TMEM132D: variants seen among roughly 807,000 people sequenced by gnomAD.
TMEM132D encodes mature OL transmembrane protein.
A neutral mutation model predicts 62.3 loss-of-function variants in TMEM132D; 21 were observed. The ratio of observed to expected loss-of-function variants is 0.34; its 90% CI spans 0.24 to 0.49. The LOEUF (loss-of-function observed/expected upper bound fraction) is 0.49, where lower values mean the gene tolerates loss of function less well. Ranked by LOEUF, TMEM132D falls within the 20% of genes least tolerant of loss-of-function variation. The pLI is 0.99. For synonymous variants in TMEM132D, 621 were observed against 575.6 expected (o/e 1.08, Z -1.13); for missense variants, 1,346 against 1,402.8 (o/e 0.96, Z 0.65).
At chr12:129,209,837 G>T in intron 4 of TMEM132D, 174 bp from the exon 5 acceptor site, 2 of 820,078 alleles carry the variant, frequency 2.4e-6, no homozygotes, top group South Asian at 1.8e-5. Context: ...ATGAGATAAT[G>T]TTCTGTCCTC....
intron 4 of TMEM132D, among the ~76,000 whole-genome samples, chr12:129,221,842 A>G (rs927632730): frequency 1.3e-5 from 2 of 152,188 alleles, no homozygotes; most frequent in African/African-American, 2.4e-5. Flanking sequence ...CGCTGCGACA[A>G]TGATGGGCTG....
chr12:129,744,974 G>A (rs564085089), intron 1 of TMEM132D, among the ~76,000 whole-genome samples: 46 of 152,046 alleles, frequency 3.0e-4, no homozygotes, highest in Non-Finnish European at 6.5e-4. Context: ...TGCTGTTCTC[G>A]TGATAGTGAG....
At position 129,231,169 on chromosome 12, in the gene TMEM132D, A is replaced by G. The variant is rs2306516; in HGVS notation, c.1300-21506T>C. ...GCTGTTCAACACAAAGCCTAGGGCT[A>G]AGTTCAGGCAGCCTCATGCAAGCGC... On this transcript the variant is annotated intron_variant, in intron 4 of 8. Coordinates refer to ENST00000422113, the MANE Select transcript of TMEM132D (RefSeq NM_133448.3). Among the ~76,000 whole-genome samples, 1,749 of 152,362 alleles carry G rather than the reference A, an allele frequency of 0.011. 82 individuals carry two copies. In the East Asian group the frequency reaches 0.13, roughly 12 times the overall value.
intron 4 of TMEM132D, among the ~76,000 whole-genome samples, chr12:129,232,758 A>T (rs949176828): frequency 3.0e-4 from 45 of 152,176 alleles, no homozygotes; most frequent in African/African-American, 1.1e-3. Flanking sequence ...GGGAGGCCTC[A>T]GGAAACAATC....
intron 2 of TMEM132D, among the ~76,000 whole-genome samples, chr12:129,616,813 C>T (rs562960637): frequency 2.6e-5 from 4 of 152,130 alleles, no homozygotes; most frequent in Admixed American, 2.6e-4. Flanking sequence ...TCATTAGCAG[C>T]GTGAGAATGG....
intron 1 of TMEM132D, among the ~76,000 whole-genome samples, chr12:129,865,188 C>T (rs900445791): frequency 1.6e-4 from 24 of 152,174 alleles, no homozygotes; most frequent in African/African-American, 5.1e-4. Context: ...TGGTGACAGT[C>T]TGCTGGCACT....
At chr12:129,563,606 G>T (rs553997200) in intron 2 of TMEM132D, among the ~76,000 whole-genome samples, 2 of 152,234 alleles carry the variant, frequency 1.3e-5, no homozygotes, top group African/African-American at 2.4e-5. Context: ...AGTGCATAAA[G>T]GCTCCCTCCA....
At chr12:129,339,371 AC>A (rs1259558133) in intron 3 of TMEM132D, among the ~76,000 whole-genome samples, 6 of 17,708 alleles carry the variant, frequency 3.4e-4, no homozygotes, top group Non-Finnish European at 8.9e-4. Context: ...GATGAGAAGA[AC>A]TGCCAAAAGA....
At chr12:129,233,810 A>T (rs2135580120) in intron 4 of TMEM132D, among the ~76,000 whole-genome samples, 1 of 151,942 alleles carries the variant, frequency 6.6e-6, no homozygotes, top group South Asian at 2.1e-4. Flanking sequence ...CCTATAGATG[A>T]TATTATTATT....
chr12:129,404,293 G>A lies in TMEM132D; in HGVS notation c.1116-66476C>T, dbSNP rs557384495. 2.0e-5 allele frequency among the ~76,000 whole-genome samples: 3 copies of A among 152,170 alleles called. No individual in the cohort carries two copies. The South Asian group carries it at 6.2e-4, about 32-fold the overall frequency. On this transcript the variant is annotated intron_variant, in intron 3 of 8. Coordinates refer to ENST00000422113, the MANE Select transcript of TMEM132D (RefSeq NM_133448.3). ...GGCTCACTGCAACCTCCACCTCCCG[G>A]GTTCAAGTGATTCTCCTGCCTCAGC...
chr12:129,230,315 G>C (rs182964034), intron 4 of TMEM132D, among the ~76,000 whole-genome samples: 4 of 150,566 alleles, frequency 2.7e-5, no homozygotes, highest in East Asian at 2.0e-4. Flanking sequence ...GGAGGGGGGG[G>C]GCTCCCCAGC....
Position 129,100,595 on chromosome 12 carries a change from T to C in TMEM132D, c.1444-15893A>G, listed in dbSNP as rs1255735518. Among the ~76,000 whole-genome samples the C allele has an allele frequency of 2.0e-5, 3 of 152,346 alleles. No homozygotes were observed. In the East Asian group the frequency reaches 5.8e-4, roughly 29 times the overall value. On this transcript the variant is annotated intron_variant, in intron 5 of 8. Transcript: ENST00000422113. ...TACTGTAAAAAATCAGCCAGCCCAA[T>C]TCTATCTTCCAGCAATGCTTGACAT...
At chr12:129,432,919 C>T (rs1872700540) in intron 3 of TMEM132D, among the ~76,000 whole-genome samples, 2 of 152,302 alleles carry the variant, frequency 1.3e-5, no homozygotes, top group South Asian at 4.1e-4. Context: ...CCCCTTGGGT[C>T]ACCTTGCAGG....
intron 2 of TMEM132D, among the ~76,000 whole-genome samples, chr12:129,549,961 A>C (rs890817453): frequency 1.1e-4 from 17 of 152,190 alleles, no homozygotes; most frequent in African/African-American, 3.9e-4. Context: ...GTTGCTTGTT[A>C]CTGAGGCCTA....
chr12:129,757,242 C>T (rs1282173342), intron 1 of TMEM132D, among the ~76,000 whole-genome samples: 1 of 152,046 alleles, frequency 6.6e-6, no homozygotes, highest in African/African-American at 2.4e-5. Flanking sequence ...GCTCGCAGAC[C>T]CTGTCATTAT....
chr12:129,457,487 T>A (rs1873512389), intron 3 of TMEM132D, among the ~76,000 whole-genome samples: 1 of 150,470 alleles, frequency 6.6e-6, no homozygotes, highest in Non-Finnish European at 1.5e-5. Flanking sequence ...ATATACCTAA[T>A]GCTAAATGAC....
intron 2 of TMEM132D, among the ~76,000 whole-genome samples, chr12:129,684,021 C>T (rs1008558066): frequency 2.6e-5 from 4 of 152,104 alleles, no homozygotes; most frequent in South Asian, 4.1e-4. Context: ...TTACAAAGTG[C>T]GAACGTCAAT....
At chr12:129,298,570 G>T (rs973342107) in intron 4 of TMEM132D, among the ~76,000 whole-genome samples, 1 of 152,082 alleles carries the variant, frequency 6.6e-6, no homozygotes, top group East Asian at 1.9e-4. Flanking sequence ...CCTCCTATCT[G>T]ATTGTCACTG....
chr12:129,139,079 C>T (rs969151245), intron 5 of TMEM132D, among the ~76,000 whole-genome samples: 14 of 152,076 alleles, frequency 9.2e-5, no homozygotes, highest in Non-Finnish European at 1.5e-4. Flanking sequence ...TTACGTGAGG[C>T]GCACAGGGAG....
Sources: allele counts gnomAD v4.1 joint callset (sites outside exome capture counted in the v4.1 genomes callset), GRCh38; gene constraint gnomAD v4.1.1; transcripts MANE v1.5; gene names NCBI Gene and HGNC (gene_info 2026-07-23, HGNC 2026-07-21).